Variants in GPM6B observed in about 807,000 individuals in gnomAD.
GPM6B encodes the protein neuronal membrane glycoprotein M6-b.
In GPM6B, 4 loss-of-function variants were observed where a neutral mutation model predicts 27.2. The observed-to-expected ratio is 0.15, with a 90% CI of 0.07 to 0.34. The LOEUF (loss-of-function observed/expected upper bound fraction) is 0.34. Among genes scored for constraint, GPM6B ranks in the 10% least tolerant of loss-of-function variants. The pLI is 1.00. For synonymous variants in GPM6B, 124 were observed against 103.1 expected, an observed-to-expected ratio of 1.20 and a Z score of -1.23; for missense variants, 183 against 261.9, an observed-to-expected ratio of 0.70 and a Z score of 2.08.
intron 1 of GPM6B, among the ~76,000 whole-genome samples, chrX:13,843,021 T>G (rs780628717): frequency 2.7e-5 from 3 of 111,352 alleles, no homozygotes; most frequent in South Asian, 7.6e-4. Flanking sequence ...TGATCGCAAC[T>G]GTTAACACGA....
chrX:13,888,091 A>T (rs1189972032), intron 1 of GPM6B, among the ~76,000 whole-genome samples: 1 of 112,363 alleles, frequency 8.9e-6, no homozygotes, highest in Non-Finnish European at 1.9e-5. Context: ...CACTTTCAGT[A>T]CCCAACTATT....
At position 13,816,824 on chromosome X, in the gene GPM6B, A is replaced by T. The variant is rs758052608; in HGVS notation, c.61+20T>A. The T allele has an allele frequency of 4.1e-6, 5 of 1,206,114 alleles. No homozygotes were observed. Reference sequence around the variant, plus strand: ...CCCAGTGAAAAGCTTTAAACAGGCTATTGTCAGAGCGCTGGGTACCTTTTC... The same window carrying T: ...CCCAGTGAAAAGCTTTAAACAGGCTTTTGTCAGAGCGCTGGGTACCTTTTC... On this transcript the variant is annotated intron_variant, in intron 1 of 7. Transcript: ENST00000316715.
chrX:13,885,190 T>C (rs974395876), intron 1 of GPM6B, among the ~76,000 whole-genome samples: 3 of 111,972 alleles, frequency 2.7e-5, no homozygotes, highest in Non-Finnish European at 3.8e-5. Flanking sequence ...TTATCAAGTA[T>C]ACACGGAGGA....
At chrX:13,780,083 G>T (rs868744740) in intron 4 of GPM6B, 94 bp from the exon 5 acceptor site, 2 of 744,802 alleles carry the variant, frequency 2.7e-6, no homozygotes, top group Non-Finnish European at 3.8e-6. Context: ...GCCCAATACT[G>T]ACCTGTGGAA....
At chrX:13,921,717 T>C (rs1297054395) in intron 1 of GPM6B, among the ~76,000 whole-genome samples, 3 of 111,007 alleles carry the variant, frequency 2.7e-5, no homozygotes, top group Admixed American at 9.5e-5. Flanking sequence ...TAGCTGGGAT[T>C]ACAGGCGTGT....
At chrX:13,885,610 A>G (rs896664865) in intron 1 of GPM6B, among the ~76,000 whole-genome samples, 12 of 111,871 alleles carry the variant, frequency 1.1e-4, no homozygotes, top group Middle Eastern at 4.7e-3. Context: ...CTGGTGGAGG[A>G]TGCCCAAGTG....
chrX:13,886,487 G>C (rs1227931079), intron 1 of GPM6B, among the ~76,000 whole-genome samples: 1 of 108,943 alleles, frequency 9.2e-6, no homozygotes, highest in Non-Finnish European at 1.9e-5. Context: ...GGACATTACA[G>C]GGCATGGAAG....
intron 1 of GPM6B, among the ~76,000 whole-genome samples, chrX:13,834,286 A>G (rs1266258371): frequency 8.9e-6 from 1 of 112,701 alleles, no homozygotes; most frequent in Non-Finnish European, 1.9e-5. Context: ...CTCAAATGCC[A>G]AATCTACAAT....
intron 1 of GPM6B, among the ~76,000 whole-genome samples, chrX:13,867,731 A>G (rs1280409334): frequency 8.9e-6 from 1 of 111,871 alleles, no homozygotes; most frequent in Non-Finnish European, 1.9e-5. Flanking sequence ...GAGGACCTGA[A>G]AAGGTCATGG....
At chrX:13,906,528 T>G (rs1368992352) in intron 1 of GPM6B, among the ~76,000 whole-genome samples, 2 of 112,225 alleles carry the variant, frequency 1.8e-5, no homozygotes, top group Non-Finnish European at 3.8e-5. Flanking sequence ...GTTAAAAGAT[T>G]ATCAGTTTGA....
intron 1 of GPM6B, among the ~76,000 whole-genome samples, chrX:13,870,897 C>A (rs188976694): frequency 1.0e-5 from 1 of 97,370 alleles, no homozygotes; most frequent in African/African-American, 3.9e-5. Context: ...TAGCAAGACC[C>A]TGTCTCTACA....
chrX:13,933,713 G>A lies in GPM6B; in HGVS notation c.-198+4614C>T, dbSNP rs1018800234. Among the ~76,000 whole-genome samples the A allele has an allele frequency of 3.6e-5, 4 of 111,774 alleles. No individual in the cohort carries two copies. In the East Asian group the frequency reaches 8.3e-4, roughly 23 times the overall value. The stretch of plus-strand genomic sequence containing the variant: ...AGAAAATAGTTGCAAAAGTAAGTAC[G>A]GGCAAATTTAAAGGTTTAAGGGGAG... On this transcript the variant is annotated intron_variant, in intron 1 of 6. Transcript: ENST00000398361.
intron 1 of GPM6B, among the ~76,000 whole-genome samples, chrX:13,925,951 A>AG (rs1254915007): frequency 9.3e-6 from 1 of 107,780 alleles, no homozygotes; most frequent in African/African-American, 3.4e-5. Context: ...GCTACTCAGG[A>AG]GGCTGAGGCA....
At chrX:13,857,645 T>G (rs2049796728) in intron 1 of GPM6B, among the ~76,000 whole-genome samples, 1 of 112,587 alleles carries the variant, frequency 8.9e-6, no homozygotes, top group Non-Finnish European at 1.9e-5. Flanking sequence ...GCACCTCTTT[T>G]GAATGTTTTA....
At chrX:13,929,450 C>T (rs1921371236) in intron 1 of GPM6B, among the ~76,000 whole-genome samples, 1 of 102,908 alleles carries the variant, frequency 9.7e-6, no homozygotes, top group African/African-American at 3.5e-5. Context: ...AAAAAACTTC[C>T]TTCAACTAAA....
intron 1 of GPM6B, among the ~76,000 whole-genome samples, chrX:13,861,860 A>G (rs1169938760): frequency 8.9e-6 from 1 of 112,155 alleles, no homozygotes; most frequent in Non-Finnish European, 1.9e-5. Flanking sequence ...CTCCAGAATC[A>G]TAAGCCAAAT....
At chrX:13,810,902 T>C (rs1455884340) in intron 1 of GPM6B, among the ~76,000 whole-genome samples, 1 of 111,943 alleles carries the variant, frequency 8.9e-6, no homozygotes, top group African/African-American at 3.2e-5. Context: ...ATCACTTCTA[T>C]TTTATATTTT....
At chrX:13,923,002 C>A (rs1921007157) in intron 1 of GPM6B, among the ~76,000 whole-genome samples, 1 of 111,556 alleles carries the variant, frequency 9.0e-6, no homozygotes, top group South Asian at 3.8e-4. Context: ...ACAGTGAAAC[C>A]CATTTCTACT....
In GPM6B at chrX:13,895,933, CAGG is replaced by C. The variant is rs200973053; in HGVS notation, c.-198+42391_-198+42393del. Among the ~76,000 whole-genome samples the C allele has an allele frequency of 7.7e-3, 824 of 107,343 alleles. 7 individuals carry two copies. Among genetic ancestry groups the C allele is most frequent in the African/African-American group, 0.026 (759 of 29,467 alleles). The allele number at this position is 107,343 out of a possible 115,157, so 93.2% of individuals were successfully genotyped here. ...CCCAGATGGGAGGACCACTTGAGCC[CAGG>C]AGTTCAAAACCAGCCTGGGCAACAT... On this transcript the variant is annotated intron_variant, in intron 1 of 6. Transcript: ENST00000398361.
Sources: allele counts gnomAD v4.1 joint callset (sites outside exome capture counted in the v4.1 genomes callset), GRCh38; gene constraint gnomAD v4.1.1; transcripts MANE v1.5; gene names NCBI Gene and HGNC (gene_info 2026-07-23, HGNC 2026-07-21).